KCNJ16: variants seen among roughly 807,000 people sequenced by gnomAD.
KCNJ16 encodes inward rectifier potassium channel 16.
In KCNJ16, 15 loss-of-function variants were observed where a neutral mutation model predicts 18.5. The observed-to-expected ratio is 0.81, with a 90% CI of 0.54 to 1.25. The LOEUF (loss-of-function observed/expected upper bound fraction) is 1.25. Ranked by LOEUF, KCNJ16 falls within the 50% of genes most tolerant of loss-of-function variation. The probability of loss-of-function intolerance (pLI) is 0.00; values close to 1 mark genes in which losing one functional copy is unlikely to be tolerated. For synonymous variants in KCNJ16, 174 were observed against 186.5 expected, an observed-to-expected ratio of 0.93 and a Z score of 0.55; for missense variants, 523 against 525.7, an observed-to-expected ratio of 0.99 and a Z score of 0.05.
chr17:70,100,406 C>T (rs1392219034), intron 1 of KCNJ16, among the ~76,000 whole-genome samples: 1 of 152,148 alleles, frequency 6.6e-6, no homozygotes, highest in Non-Finnish European at 1.5e-5. Context: ...TTACCTGATA[C>T]TTCTCTGCCC....
intron 2 of KCNJ16, among the ~76,000 whole-genome samples, chr17:70,103,937 C>CCTT: frequency 7.6e-6 from 1 of 131,998 alleles, no homozygotes; most frequent in South Asian, 2.4e-4. Flanking sequence ...ATTTTATTAT[C>CCTT]TTTTTTTTTT....
At chr17:70,106,871 G>C (rs1448435128) in intron 2 of KCNJ16, among the ~76,000 whole-genome samples, 2 of 152,146 alleles carry the variant, frequency 1.3e-5, no homozygotes, top group African/African-American at 2.4e-5. Flanking sequence ...TGCGTGCATA[G>C]TTTAACAGAG....
In KCNJ16 at chr17:70,108,505, A is replaced by T. The variant is rs2073035160; in HGVS notation, c.-191+7739A>T. 4.6e-5 allele frequency: 7 copies of T among 152,294 alleles called. No individual in the cohort carries two copies. In the South Asian group the frequency reaches 1.5e-3, roughly 32 times the overall value. 9.4% of individuals were successfully genotyped at this position (152,294 alleles called of 1,614,324 possible). A position where few individuals can be genotyped will look rare whatever the true frequency, so the allele number is the denominator to read the frequency against. On this transcript the variant is annotated intron_variant, in intron 2 of 3. Transcript: ENST00000392671. ...AGTCATTTTGCATGTTGATATCTATAAATGACCACATCAACATATCTGCTT... is the reference window on the plus strand; with the variant it reads ...AGTCATTTTGCATGTTGATATCTATTAATGACCACATCAACATATCTGCTT...
At chr17:70,085,758 T>C (rs2100146584) in intron 1 of KCNJ16, among the ~76,000 whole-genome samples, 1 of 152,182 alleles carries the variant, frequency 6.6e-6, no homozygotes. Flanking sequence ...TATCAAAGCA[T>C]TTAAGGAATA....
At chr17:70,102,660 C>G (rs1318153228) in intron 2 of KCNJ16, among the ~76,000 whole-genome samples, 1 of 152,106 alleles carries the variant, frequency 6.6e-6, no homozygotes, top group African/African-American at 2.4e-5. Flanking sequence ...AAAATTAACC[C>G]CACTTGGACC....
chr17:70,120,558 A>G (rs1484263390), intron 2 of KCNJ16, among the ~76,000 whole-genome samples: 1 of 152,226 alleles, frequency 6.6e-6, no homozygotes, highest in African/African-American at 2.4e-5. Context: ...GGGTTGCCTC[A>G]GAAAGTTTAC....
intron 3 of KCNJ16, chr17:70,131,324 A>T: frequency 1.8e-6 from 2 of 1,106,128 alleles, no homozygotes; most frequent in Non-Finnish European, 2.2e-6. Context: ...AGGTTAAGAA[A>T]GATGCATTTT....
At position 70,075,400 on chromosome 17, in the gene KCNJ16, A is replaced by G. The variant is rs745470154; in HGVS notation, c.-300+10A>G. The G allele has an allele frequency of 3.9e-5, 6 of 152,186 alleles. No individual in the cohort carries two copies. Among genetic ancestry groups the G allele is most frequent in the Non-Finnish European group, 8.8e-5 (6 of 68,032 alleles). 9.4% of individuals were successfully genotyped at this position (152,186 alleles called of 1,614,324 possible). A position where few individuals can be genotyped will look rare whatever the true frequency, so the allele number is the denominator to read the frequency against. ...GGGAGAGTGAATAAAGGTAAGTGCT[A>G]TTATTGCTATGGATACAATGTCATT... is the stretch of plus-strand genomic sequence containing the variant. On this transcript the variant is annotated intron_variant, in intron 1 of 3. Coordinates refer to ENST00000392671, the MANE Select transcript of KCNJ16 (RefSeq NM_170741.4).
intron 2 of KCNJ16, among the ~76,000 whole-genome samples, chr17:70,125,616 T>G (rs546696599): frequency 5.3e-5 from 8 of 151,788 alleles, no homozygotes; most frequent in Non-Finnish European, 8.8e-5. Flanking sequence ...CAGAGTAAAG[T>G]GAAAAAAAGT....
At chr17:70,124,236 C>T (rs994215180) in intron 2 of KCNJ16, among the ~76,000 whole-genome samples, 1 of 152,234 alleles carries the variant, frequency 6.6e-6, no homozygotes, top group Admixed American at 6.5e-5. Context: ...TAACCTCCCT[C>T]CTTGCTCCAG....
chr17:70,129,604 A>G (rs1233464548), intron 2 of KCNJ16, among the ~76,000 whole-genome samples: 3 of 152,216 alleles, frequency 2.0e-5, no homozygotes, highest in East Asian at 1.9e-4. Context: ...ATAGACCTAA[A>G]CAGAATCTGA....
chr17:70,088,071 C>G (rs1366878124), intron 1 of KCNJ16, among the ~76,000 whole-genome samples: 3 of 146,634 alleles, frequency 2.0e-5, no homozygotes, highest in Non-Finnish European at 4.5e-5. Context: ...GTTTGAAAAC[C>G]AGTAGTCTAG....
rs1567809244 is a variant in KCNJ16 at position 70,132,228 on chromosome 17, C to G, written c.141C>G (p.Phe47Leu). 1.2e-6 allele frequency: 2 copies of G among 1,614,224 alleles called. No individual in the cohort carries two copies. The highest frequency in any genetic ancestry group is 2.7e-5 in the African/African-American group (2 of 75,048). ...LHKDGSCNVY[F>L]KHIFGEWGSY... ...AAGATGGCAGCTGTAATGTCTACTT[C>G]AAGCACATTTTTGGAGAATGGGGAA... The change falls in exon 4 of 4, where the codon TTC becomes TTG. Residue 47 changes from phenylalanine (F) to leucine (L), a missense_variant. Coordinates refer to ENST00000392671, the MANE Select transcript of KCNJ16 (RefSeq NM_170741.4).
At chr17:70,128,997 T>A (rs1462187269) in intron 2 of KCNJ16, 1 of 152,292 alleles carries the variant, frequency 6.6e-6, no homozygotes, top group Admixed American at 6.5e-5. Context: ...CGGGTACGTG[T>A]CTTCCGGGCA....
Position 70,134,700 on chromosome 17 carries a change from G to T in KCNJ16, c.*1356G>T, listed in dbSNP as rs2074170782. 1 of 166,878 alleles carries T rather than the reference G, an allele frequency of 6.0e-6. No homozygotes were observed. The highest frequency in any genetic ancestry group is 2.1e-4 in the South Asian group (1 of 4,824). 10.3% of individuals were successfully genotyped at this position (166,878 alleles called of 1,614,324 possible). A position where few individuals can be genotyped will look rare whatever the true frequency, so the allele number is the denominator to read the frequency against. ...TGTTTTGTTTTTGTTTTACATTGTT[G>T]CTGCACTGGCAATAAGTATGTGGCA... On this transcript the variant is annotated 3_prime_UTR_variant, in exon 4 of 4. Transcript: ENST00000392671.
Position 70,132,486 on chromosome 17 carries a change from A to T in KCNJ16, c.399A>T (p.Gly133=), listed in dbSNP as rs139527295. Residue 133 remains glycine, a synonymous_variant, in exon 4 of 4, where the codon GGA becomes GGT. Coordinates refer to ENST00000392671, the MANE Select transcript of KCNJ16 (RefSeq NM_170741.4). ...CCCTAGAGACCCAAACCACCATAGG[A>T]TATGGTTATCGCTGTGTTACTGAAG... ...LFSLETQTTI[G]YGYRCVTEEC... 7.3e-5 allele frequency: 118 copies of T among 1,613,948 alleles called. No homozygotes were observed. Among genetic ancestry groups the T allele is most frequent in the Non-Finnish European group, 9.6e-5 (113 of 1,180,014 alleles).
intron 1 of KCNJ16, among the ~76,000 whole-genome samples, chr17:70,099,938 C>T (rs2072549617): frequency 6.6e-6 from 1 of 152,114 alleles, no homozygotes; most frequent in Admixed American, 6.6e-5. Context: ...CACTTCAGCA[C>T]GGTTTGGTCA....
At chr17:70,100,119 C>T (rs1377543109) in intron 1 of KCNJ16, among the ~76,000 whole-genome samples, 15 of 152,156 alleles carry the variant, frequency 9.9e-5, no homozygotes. Flanking sequence ...GCAAAAATGG[C>T]ACCTGTGAAG....
At chr17:70,102,725 C>A (rs2072700845) in intron 2 of KCNJ16, among the ~76,000 whole-genome samples, 1 of 152,128 alleles carries the variant, frequency 6.6e-6, no homozygotes, top group Admixed American at 6.6e-5. Flanking sequence ...GACAGCGGAA[C>A]TCTCTGTAGG....
Sources: allele counts gnomAD v4.1 joint callset (sites outside exome capture counted in the v4.1 genomes callset), GRCh38; gene constraint gnomAD v4.1.1; transcripts MANE v1.5; gene names NCBI Gene and HGNC (gene_info 2026-07-23, HGNC 2026-07-21).